Variants in ZNF148 observed in about 807,000 individuals in gnomAD.
The protein encoded by ZNF148 is Beta-Enolase Repressor Factor-1.
Under a neutral mutation model 67.7 loss-of-function variants are expected in ZNF148, and 7 were observed. That is an observed-to-expected ratio of 0.10 (90% CI 0.06 to 0.19). The LOEUF (loss-of-function observed/expected upper bound fraction) is 0.19. ZNF148 is among the 10% of genes least tolerant of loss of function. ZNF148 has a pLI of 1.00. For missense variants in ZNF148, 583 were observed against 947.1 expected (o/e 0.62, Z 5.05); for synonymous variants, 333 against 330.7 (o/e 1.01, Z -0.08).
chr3:125,280,026 T>C lies in ZNF148; in HGVS notation c.460-779A>G, dbSNP rs550401200. ...AAAAAGAGAACACTAACTTTTCAAG[T>C]TACAATATGGTAGAATTTATGGTCT... On this transcript the variant is annotated intron_variant, in intron 5 of 8. Transcript: ENST00000360647. Among the ~76,000 whole-genome samples, 20 of 152,184 alleles carry C rather than the reference T, an allele frequency of 1.3e-4. No homozygotes were observed. In the South Asian group the frequency reaches 2.7e-3, roughly 21 times the overall value.
chr3:125,330,262 C>T (rs1559761282), intron 2 of ZNF148, among the ~76,000 whole-genome samples: 1 of 151,624 alleles, frequency 6.6e-6, no homozygotes, highest in Admixed American at 6.6e-5. Flanking sequence ...CTCAGGAGTT[C>T]AAGACCCGCC....
At chr3:125,340,827 A>C (rs1941685201) in intron 1 of ZNF148, among the ~76,000 whole-genome samples, 1 of 151,668 alleles carries the variant, frequency 6.6e-6, no homozygotes, top group Non-Finnish European at 1.5e-5. Context: ...TCTACTAAAA[A>C]TACAAAAAAA....
rs1301609058 is a variant in ZNF148 at position 125,229,179 on chromosome 3, A to G, written c.*3162T>C. 6.6e-6 allele frequency: 1 copy of G among 151,110 alleles called. No individual in the cohort carries two copies. Among genetic ancestry groups the G allele is most frequent in the Non-Finnish European group, 1.5e-5 (1 of 67,886 alleles). 9.4% of individuals were successfully genotyped at this position (151,110 alleles called of 1,614,324 possible). A position where few individuals can be genotyped will look rare whatever the true frequency, so the allele number is the denominator to read the frequency against. On this transcript the variant is annotated 3_prime_UTR_variant, in exon 9 of 9. Coordinates refer to ENST00000360647, the MANE Select transcript of ZNF148 (RefSeq NM_021964.3). ...TTCTAAGAAATGCAGTACTACAGTA[A>G]TGCCTACTTTTAAAGTTTCCCGGCC...
chr3:125,334,047 C>A (rs1242708878), intron 1 of ZNF148, among the ~76,000 whole-genome samples: 1 of 152,170 alleles, frequency 6.6e-6, no homozygotes, highest in Non-Finnish European at 1.5e-5. Context: ...ATGGTACAAA[C>A]TTGTATACCT....
chr3:125,259,480 G>A (rs1043555700), intron 7 of ZNF148, among the ~76,000 whole-genome samples: 2 of 152,200 alleles, frequency 1.3e-5, no homozygotes, highest in East Asian at 3.8e-4. Context: ...ATACCTTGGA[G>A]ATATTGCAGG....
intron 1 of ZNF148, among the ~76,000 whole-genome samples, chr3:125,367,856 C>T (rs113965862): frequency 1.4e-4 from 22 of 152,254 alleles, no homozygotes; most frequent in African/African-American, 3.4e-4. Flanking sequence ...TATACGAAGA[C>T]GGAAAACAGA....
At chr3:125,313,192 A>G in intron 4 of ZNF148, 116 bp downstream of exon 4, 1 of 752,406 alleles carries the variant, frequency 1.3e-6, no homozygotes, top group African/African-American at 1.8e-5. Context: ...TAGTATATCT[A>G]TTCAAGAACA....
Position 125,359,873 on chromosome 3 carries a change from G to A in ZNF148, c.-234+15229C>T, listed in dbSNP as rs561500670. The stretch of plus-strand genomic sequence containing the variant: ...CAAGAGCACACAGACCCAAGTGGGC[G>A]GCAGCCCACCCGCCACCATGCAGCT... On this transcript the variant is annotated intron_variant, in intron 1 of 8. Coordinates refer to ENST00000360647, the MANE Select transcript of ZNF148 (RefSeq NM_021964.3). 1.8e-3 allele frequency among the ~76,000 whole-genome samples: 277 copies of A among 152,320 alleles called. 1 individual carries two copies. The highest frequency in any genetic ancestry group is 3.3e-3 in the East Asian group (17 of 5,184).
At chr3:125,306,247 C>CCTT (rs1939868725) in intron 4 of ZNF148, among the ~76,000 whole-genome samples, 1 of 151,818 alleles carries the variant, frequency 6.6e-6, no homozygotes, top group Non-Finnish European at 1.5e-5. Flanking sequence ...CTTTAAAAAG[C>CCTT]TAAGATAAGA....
In ZNF148 at chr3:125,286,745, A is replaced by G. The variant is rs182064622; in HGVS notation, c.459+1358T>C. Among the ~76,000 whole-genome samples, 467 of 152,352 alleles carry G rather than the reference A, an allele frequency of 3.1e-3. 3 individuals are homozygous for G. The highest frequency in any genetic ancestry group is 0.014 in the Middle Eastern group (4 of 294). ...AAAAGTTGCTTACATTTCAAGTGTT[A>G]AAAATCAGCTAATTTATTCTATATT... On this transcript the variant is annotated intron_variant, in intron 5 of 8. Transcript: ENST00000360647.
At chr3:125,260,007 C>A (rs1937263516) in intron 7 of ZNF148, among the ~76,000 whole-genome samples, 2 of 152,076 alleles carry the variant, frequency 1.3e-5, no homozygotes, top group African/African-American at 4.8e-5. Flanking sequence ...GAAATGGGGT[C>A]ACAGTAGAGG....
intron 7 of ZNF148, among the ~76,000 whole-genome samples, chr3:125,249,066 A>C (rs1362863671): frequency 1.3e-5 from 2 of 152,192 alleles, no homozygotes; most frequent in African/African-American, 4.8e-5. Flanking sequence ...AAGACCTGAA[A>C]CCATAAAAAT....
intron 7 of ZNF148, among the ~76,000 whole-genome samples, chr3:125,245,360 G>T (rs1218458391): frequency 6.6e-6 from 1 of 152,058 alleles, no homozygotes; most frequent in Non-Finnish European, 1.5e-5. Context: ...GCTCTTGCTC[G>T]CTTTCTCTCA....
At chr3:125,247,188 C>T (rs546073105) in intron 7 of ZNF148, among the ~76,000 whole-genome samples, 21 of 152,146 alleles carry the variant, frequency 1.4e-4, no homozygotes, top group Non-Finnish European at 2.5e-4. Context: ...GTTTTCTTTC[C>T]CTAGAACGCA....
At position 125,279,265 on chromosome 3, in the gene ZNF148, A is replaced by AAAC; in HGVS notation, c.460-19_460-18insGTT. 6.6e-7 allele frequency: 1 copy of AAAC among 1,511,040 alleles called. No individual in the cohort carries two copies. The highest frequency in any genetic ancestry group is 1.4e-5 in the South Asian group (1 of 73,954). 93.6% of individuals were successfully genotyped at this position (1,511,040 alleles called of 1,614,324 possible). A position where few individuals can be genotyped will look rare whatever the true frequency, so the allele number is the denominator to read the frequency against. On this transcript the variant is annotated intron_variant, in intron 5 of 8. Transcript: ENST00000360647. ...GTAAGGATCTAGTTCAAAAAAAAAA[A>AAAC]GGCAAAAACAAAAGAAATAAGTTTT... is the stretch of plus-strand genomic sequence containing the variant.
At chr3:125,317,915 A>T (rs1255972641) in intron 3 of ZNF148, among the ~76,000 whole-genome samples, 7 of 151,954 alleles carry the variant, frequency 4.6e-5, no homozygotes, top group Non-Finnish European at 4.4e-5. Flanking sequence ...TTTATTTTAA[A>T]ACAAAGACTT....
chr3:125,250,375 G>C (rs1247109792), intron 7 of ZNF148, among the ~76,000 whole-genome samples: 1 of 152,134 alleles, frequency 6.6e-6, no homozygotes, highest in East Asian at 1.9e-4. Context: ...AATAAACCAA[G>C]CCTGGGAATC....
chr3:125,240,368 A>G (rs1253959214), intron 7 of ZNF148, among the ~76,000 whole-genome samples: 2 of 152,152 alleles, frequency 1.3e-5, no homozygotes, highest in African/African-American at 4.8e-5. Flanking sequence ...ATACATACAC[A>G]AACTGGAGAA....
At chr3:125,360,459 A>G (rs1170324205) in intron 1 of ZNF148, among the ~76,000 whole-genome samples, 2 of 151,518 alleles carry the variant, frequency 1.3e-5, no homozygotes, top group Non-Finnish European at 2.9e-5. Context: ...CTAATTTTTT[A>G]TTTTTGTGTA....
Sources: gnomAD v4.1 joint callset for allele counts (sites outside exome capture counted in the v4.1 genomes callset) on GRCh38, gnomAD v4.1.1 for gene constraint, MANE v1.5 for transcripts, NCBI Gene and HGNC (gene_info 2026-07-23, HGNC 2026-07-21) for gene names.